The following ARHGAP23 variants were observed in gnomAD, a reference collection of about 807,000 sequenced individuals.
ARHGAP23 encodes the protein rho GTPase-activating protein 23.
A neutral mutation model predicts 136.3 loss-of-function variants in ARHGAP23; 34 were observed. The observed-to-expected ratio is 0.25, with a 90% CI of 0.19 to 0.33. The LOEUF (loss-of-function observed/expected upper bound fraction) is 0.33. Ranked by LOEUF, ARHGAP23 falls within the 10% of genes least tolerant of loss-of-function variation. The pLI is 1.00. For missense variants in ARHGAP23, 1,808 were observed against 2,139.0 expected (o/e 0.85, Z 3.05); for synonymous variants, 832 against 920.5 (o/e 0.90, Z 1.74).
chr17:38,443,463 G>A (rs2038963063), intron 1 of ARHGAP23, among the ~76,000 whole-genome samples: 1 of 152,188 alleles, frequency 6.6e-6, no homozygotes, highest in African/African-American at 2.4e-5. Flanking sequence ...TCTGGAGTGA[G>A]GATGATGCCA....
At chr17:38,507,024 A>G (rs994101626) in intron 23 of ARHGAP23, among the ~76,000 whole-genome samples, 7 of 152,154 alleles carry the variant, frequency 4.6e-5, no homozygotes, top group African/African-American at 1.7e-4. Flanking sequence ...TAATAATCCC[A>G]GCACTTTGGA....
intron 6 of ARHGAP23, among the ~76,000 whole-genome samples, chr17:38,464,121 C>T (rs1052099650): frequency 1.4e-4 from 22 of 152,172 alleles, no homozygotes; most frequent in African/African-American, 5.1e-4. Flanking sequence ...TCGCAAACAC[C>T]GCGGCATCCT....
intron 23 of ARHGAP23, among the ~76,000 whole-genome samples, chr17:38,509,094 C>T (rs1235750761): frequency 6.6e-6 from 1 of 150,650 alleles, no homozygotes; most frequent in African/African-American, 2.5e-5. Flanking sequence ...AGAGGAGAGG[C>T]CAGAAGGGCG....
At chr17:38,468,553 G>A (rs370783714) in intron 7 of ARHGAP23, among the ~76,000 whole-genome samples, 9 of 152,170 alleles carry the variant, frequency 5.9e-5, no homozygotes, top group Admixed American at 4.6e-4. Context: ...GGGGCAGGGG[G>A]AAGACACAGC....
intron 1 of ARHGAP23, chr17:38,450,710 C>G (rs2039141320): frequency 6.6e-6 from 1 of 152,208 alleles, no homozygotes; most frequent in African/African-American, 2.4e-5. Context: ...CTGGCCAAGC[C>G]TCAGTTTCTG....
rs185122413 is a variant in ARHGAP23 at position 38,504,592 on chromosome 17, C to A, written c.3447+3964C>A. Among the ~76,000 whole-genome samples, 84 of 152,324 alleles carry A rather than the reference C, an allele frequency of 5.5e-4. 1 individual carries two copies. In the Middle Eastern group the frequency reaches 0.01, roughly 19 times the overall value. ...GGTCAAACTGTGTTCCCTGGAGCCA[C>A]CATGGGGTTGTGACCACCAACAGGT... is the stretch of plus-strand genomic sequence containing the variant. On this transcript the variant is annotated intron_variant, in intron 23 of 23. Transcript: ENST00000622683.
At chr17:38,495,868 G>T (rs972505345) in intron 20 of ARHGAP23, among the ~76,000 whole-genome samples, 2 of 151,558 alleles carry the variant, frequency 1.3e-5, no homozygotes, top group Non-Finnish European at 2.9e-5. Context: ...TAGGTGTTGA[G>T]GGGGGTAAAG....
intron 1 of ARHGAP23, among the ~76,000 whole-genome samples, chr17:38,430,333 G>A (rs1228681215): frequency 1.3e-5 from 2 of 152,136 alleles, no homozygotes; most frequent in Non-Finnish European, 2.9e-5. Flanking sequence ...TCTGACTACG[G>A]GAATAGGTCA....
Position 38,510,709 on chromosome 17 carries a change from C to A in ARHGAP23, c.4213C>A (p.Arg1405Ser). The change falls in exon 24 of 24, where the codon CGC (arginine) becomes AGC (serine). Residue 1405 changes from arginine to serine, a missense_variant. Physicochemically the swap from Arg to Ser is moderately radical, Grantham distance 110. Around this residue, in one of 7 missense-constraint regions of ARHGAP23, gnomAD observed 506 missense variants for 455.8 expected, o/e 1.11. Coordinates refer to ENST00000622683, the MANE Select transcript of ARHGAP23 (RefSeq NM_001199417.2). This position sits in a 1 kb window ranked among gnomAD's most constrained non-coding sequence, Gnocchi z 4.6. Reference protein sequence around the residue: ...ETRRRRSSWRRHTVVVQSPLT... With the variant: ...ETRRRRSSWRSHTVVVQSPLT... The stretch of plus-strand genomic sequence containing the variant: ...CCGGCGGCGCCGGAGCAGCTGGCGC[C>A]GCCACACCGTGGTGGTGCAGAGCCC... The A allele has an allele frequency of 6.9e-7, 1 of 1,444,796 alleles. No individual in the cohort carries two copies. Among genetic ancestry groups the A allele is most frequent in the Non-Finnish European group, 9.0e-7 (1 of 1,105,156 alleles). 89.5% of individuals were successfully genotyped at this position (1,444,796 alleles called of 1,614,324 possible).
chr17:38,481,626 G>C (rs980043131), intron 14 of ARHGAP23, among the ~76,000 whole-genome samples: 6 of 152,142 alleles, frequency 3.9e-5, no homozygotes, highest in African/African-American at 1.4e-4. Flanking sequence ...AGGTGTGGTG[G>C]TATGAGCTTA....
At chr17:38,470,018 C>T in intron 10 of ARHGAP23, 114 bp downstream of exon 10, 1 of 1,279,500 alleles carries the variant, frequency 7.8e-7, no homozygotes, top group East Asian at 2.5e-5. Context: ...CTCCTGCCTT[C>T]CTCCTCCTCC....
intron 23 of ARHGAP23, among the ~76,000 whole-genome samples, chr17:38,501,605 A>T (rs1257832087): frequency 5.9e-5 from 9 of 151,918 alleles, no homozygotes; most frequent in African/African-American, 2.2e-4. Flanking sequence ...CTGGCTATAG[A>T]CCCCTAAGTA....
intron 1 of ARHGAP23, among the ~76,000 whole-genome samples, chr17:38,439,101 C>T (rs947264492): frequency 3.3e-5 from 5 of 151,482 alleles, no homozygotes; most frequent in African/African-American, 7.3e-5. Flanking sequence ...CACTTGAACC[C>T]GGGAGGTGGA....
chr17:38,474,230 G>A (rs770021931), intron 11 of ARHGAP23, among the ~76,000 whole-genome samples: 3 of 152,326 alleles, frequency 2.0e-5, no homozygotes, highest in East Asian at 1.9e-4. Context: ...TCTGTCCAGG[G>A]TTTTAAATGT....
Position 38,479,508 on chromosome 17 carries a change from G to C in ARHGAP23, c.2498+11G>C. 6.5e-7 allele frequency: 1 copy of C among 1,548,042 alleles called. No individual in the cohort carries two copies. The highest frequency in any genetic ancestry group is 8.7e-7 in the Non-Finnish European group (1 of 1,145,434). ...TTATCGCAAAGTGAGGTGAGGCCCA[G>C]CCCTCGTGGAGCAGTCTCCTCTGTG... On this transcript the variant is annotated intron_variant, in intron 13 of 23. Transcript: ENST00000622683.
intron 1 of ARHGAP23, among the ~76,000 whole-genome samples, chr17:38,429,307 GC>G (rs2038636331): frequency 6.6e-6 from 1 of 152,246 alleles, no homozygotes; most frequent in Non-Finnish European, 1.5e-5. Flanking sequence ...GGGCCTCCCA[GC>G]CCCATCCCCC....
At chr17:38,479,382 G>A in intron 12 of ARHGAP23, 54 bp from the exon 13 acceptor site, 1 of 1,473,104 alleles carries the variant, frequency 6.8e-7, no homozygotes, top group South Asian at 1.2e-5. Context: ...ATGAGCCCTG[G>A]GGTGGGCTGG....
intron 1 of ARHGAP23, among the ~76,000 whole-genome samples, chr17:38,420,288 A>G (rs1158011509): frequency 6.6e-6 from 1 of 152,184 alleles, no homozygotes; most frequent in Non-Finnish European, 1.5e-5. Context: ...GGGCTGCTCC[A>G]GGGGTTGCCT....
intron 3 of ARHGAP23, among the ~76,000 whole-genome samples, chr17:38,461,168 C>T (rs1271609602): frequency 6.6e-6 from 1 of 152,236 alleles, no homozygotes; most frequent in Non-Finnish European, 1.5e-5. Flanking sequence ...ATTTCCTCCA[C>T]AGAAGTTTGC....
Sources: gnomAD v4.1 joint callset for allele counts (sites outside exome capture counted in the v4.1 genomes callset) on GRCh38, gnomAD v4.1.1 for gene constraint, gnomAD v4.1.1 regional missense constraint, Gnocchi (gnomAD v3.1) non-coding constraint, MANE v1.5 for transcripts, NCBI Gene and HGNC (gene_info 2026-07-23, HGNC 2026-07-21) for gene names.